Variants in ATP13A5 observed in about 807,000 individuals in gnomAD.
The protein encoded by ATP13A5 is ATPase 13A5, also known as probable cation-transporting ATPase 13A5.
A neutral mutation model predicts 150.2 loss-of-function variants in ATP13A5; 149 were observed. The ratio of observed to expected loss-of-function variants is 0.99; its 90% confidence interval spans 0.87 to 1.14. The LOEUF is 1.14. ATP13A5 is among the 50% of genes most tolerant of loss of function. The probability of loss-of-function intolerance (pLI) is 0.00; values close to 1 mark genes in which losing one functional copy is unlikely to be tolerated. For missense variants in ATP13A5, 1,383 were observed against 1,449.3 expected (o/e 0.95, Z 0.74); for synonymous variants, 497 against 522.2 (o/e 0.95, Z 0.66).
At chr3:193,345,409 A>G (rs1334869901) in intron 7 of ATP13A5, among the ~76,000 whole-genome samples, 2 of 152,202 alleles carry the variant, frequency 1.3e-5, no homozygotes, top group Admixed American at 6.5e-5. Context: ...AAGAGAAAAA[A>G]AGTGATTCGC....
At chr3:193,327,515 A>G (rs552941455) in intron 12 of ATP13A5, among the ~76,000 whole-genome samples, 1 of 152,326 alleles carries the variant, frequency 6.6e-6, no homozygotes, top group East Asian at 1.9e-4. Flanking sequence ...AATATGGGTG[A>G]CACAGTGACT....
intron 23 of ATP13A5, 77 bp from the exon 24 acceptor site, chr3:193,301,384 G>A: frequency 9.1e-7 from 1 of 1,102,504 alleles, no homozygotes; most frequent in Admixed American, 2.1e-5. Context: ...CTTAAAACGA[G>A]TTATATTTTT....
At chr3:193,278,521 C>A (rs529445873) in intron 28 of ATP13A5, among the ~76,000 whole-genome samples, 35 of 152,264 alleles carry the variant, frequency 2.3e-4, no homozygotes, top group African/African-American at 7.9e-4. Context: ...TCTCTGCCAC[C>A]GTACATTCAT....
chr3:193,368,392 T>TTGTGTGTGTGTGTGTG (rs1286543236), intron 1 of ATP13A5, among the ~76,000 whole-genome samples: 4,245 of 147,268 alleles, frequency 0.029, 79 homozygotes, highest in Middle Eastern at 0.048. Context: ...CTCTTCAGAC[T>TTGTGTGTGTGTGTGTG]TGTGTGTGTG....
chr3:193,339,841 G>C (rs1488607597), intron 9 of ATP13A5, among the ~76,000 whole-genome samples: 1 of 151,906 alleles, frequency 6.6e-6, no homozygotes, highest in African/African-American at 2.4e-5. Flanking sequence ...TATATACTTA[G>C]GCTAACATCA....
intron 25 of ATP13A5, among the ~76,000 whole-genome samples, chr3:193,294,108 A>G (rs1207798155): frequency 6.6e-6 from 1 of 152,188 alleles, no homozygotes; most frequent in Non-Finnish European, 1.5e-5. Flanking sequence ...AAGGCTGCAA[A>G]GCCCCAGTCC....
At position 193,354,201 on chromosome 3, in the gene ATP13A5, G is replaced by A. The variant is rs371345158; in HGVS notation, c.537-5C>T. On this transcript the variant is annotated splice_region_variant and splice_polypyrimidine_tract_variant and intron_variant, in intron 5 of 29. Transcript: ENST00000342358. ...TTGGGCCCACACACTAATCTTCTGCGGGAAATTGATCATCCATTAGTGTCA... is the reference window on the plus strand; with the variant it reads ...TTGGGCCCACACACTAATCTTCTGCAGGAAATTGATCATCCATTAGTGTCA... 30 of 1,608,978 alleles carry A rather than the reference G, an allele frequency of 1.9e-5. No homozygotes were observed. Among genetic ancestry groups the A allele is most frequent in the African/African-American group, 8.0e-5 (6 of 74,706 alleles).
Position 193,322,490 on chromosome 3 carries a change from C to A in ATP13A5, c.1758+1G>T. On this transcript the variant is annotated splice_donor_variant, in intron 15 of 29. Coordinates refer to ENST00000342358, the MANE Select transcript of ATP13A5 (RefSeq NM_198505.4). LOFTEE classifies it high-confidence loss of function. ...ATGTGATGTAAAGAAGGAAATCATACCTTACTGGCTTTTGGTCCTGGTTTT... is the reference window on the plus strand; with the variant it reads ...ATGTGATGTAAAGAAGGAAATCATAACTTACTGGCTTTTGGTCCTGGTTTT... 6.2e-7 allele frequency: 1 copy of A among 1,610,992 alleles called. No homozygotes were observed. Among genetic ancestry groups the A allele is most frequent in the Non-Finnish European group, 8.5e-7 (1 of 1,177,398 alleles).
chr3:193,313,921 A>T lies in ATP13A5; in HGVS notation c.2319+112T>A, dbSNP rs1410518867. The T allele has an allele frequency of 3.2e-6, 4 of 1,239,364 alleles. No homozygotes were observed. The South Asian group carries it at 5.9e-5, about 18-fold the overall frequency. The allele number at this position is 1,239,364 out of a possible 1,614,324, so 76.8% of individuals were successfully genotyped here. A position where few individuals can be genotyped will look rare whatever the true frequency, so the allele number is the denominator to read the frequency against. Reference sequence around the variant, plus strand: ...TTGCAAACTGTCAAACTCTGGACAGATGTGAGGGATTATTACTGAGATGAC... The same window carrying T: ...TTGCAAACTGTCAAACTCTGGACAGTTGTGAGGGATTATTACTGAGATGAC... On this transcript the variant is annotated intron_variant, in intron 19 of 29. Transcript: ENST00000342358.
intron 23 of ATP13A5, 123 bp from the exon 24 acceptor site, chr3:193,301,430 T>C: frequency 1.5e-6 from 1 of 664,602 alleles, no homozygotes; most frequent in Non-Finnish European, 2.6e-6. Context: ...TAATCATGAA[T>C]TCATCCTCCT....
chr3:193,372,663 A>G (rs966745927), intron 1 of ATP13A5, among the ~76,000 whole-genome samples: 1 of 152,178 alleles, frequency 6.6e-6, no homozygotes, highest in African/African-American at 2.4e-5. Context: ...GCTACATCAC[A>G]TTGGCAAATA....
At chr3:193,289,786 A>G (rs1164837674) in intron 26 of ATP13A5, 99 bp downstream of exon 26, 6 of 1,180,652 alleles carry the variant, frequency 5.1e-6, no homozygotes, top group Non-Finnish European at 2.3e-6. Flanking sequence ...AATTTGATTA[A>G]TTAAAAGTTT....
intron 5 of ATP13A5, among the ~76,000 whole-genome samples, chr3:193,355,195 G>C (rs970523046): frequency 1.3e-5 from 2 of 152,068 alleles, no homozygotes; most frequent in African/African-American, 4.8e-5. Flanking sequence ...GCCTCCCAAA[G>C]TGCTGAGATT....
intron 6 of ATP13A5, among the ~76,000 whole-genome samples, chr3:193,353,886 A>C (rs7610381): frequency 0.54 from 82,013 of 151,736 alleles, 22,358 homozygotes; most frequent in African/African-American, 0.61. Flanking sequence ...ACCACCACCA[A>C]AACCACCATC....
At chr3:193,343,656 A>G (rs2108884603) in intron 9 of ATP13A5, among the ~76,000 whole-genome samples, 2 of 152,196 alleles carry the variant, frequency 1.3e-5, no homozygotes, top group East Asian at 3.8e-4. Context: ...CTCTGAACCC[A>G]AAGCACCCTA....
At chr3:193,370,139 A>G (rs1406833057) in intron 1 of ATP13A5, among the ~76,000 whole-genome samples, 1 of 152,148 alleles carries the variant, frequency 6.6e-6, no homozygotes, top group Non-Finnish European at 1.5e-5. Flanking sequence ...TTTGTTTCCT[A>G]TAGAATTCTG....
At chr3:193,326,218 G>A (rs902985369) in intron 13 of ATP13A5, among the ~76,000 whole-genome samples, 3 of 152,180 alleles carry the variant, frequency 2.0e-5, no homozygotes, top group Non-Finnish European at 4.4e-5. Context: ...GGCCATCGCC[G>A]CTCAAATTGA....
At chr3:193,310,827 G>A (rs1718817064) in intron 20 of ATP13A5, 110 bp from the exon 21 acceptor site, 2 of 708,642 alleles carry the variant, frequency 2.8e-6, no homozygotes, top group Admixed American at 5.8e-5. Context: ...TACAGCATTG[G>A]ATGGTATGTC....
At chr3:193,319,173 AG>A in intron 16 of ATP13A5, 65 bp from the exon 17 acceptor site, 1 of 1,160,304 alleles carries the variant, frequency 8.6e-7, no homozygotes, top group Non-Finnish European at 1.3e-6. Context: ...GCAAGACTCC[AG>A]GACACAGCCA....
Sources: allele counts gnomAD v4.1 joint callset (sites outside exome capture counted in the v4.1 genomes callset), GRCh38; gene constraint gnomAD v4.1.1; transcripts MANE v1.5; gene names NCBI Gene and HGNC (gene_info 2026-07-23, HGNC 2026-07-21).